TPD52: variants seen among roughly 807,000 people sequenced by gnomAD.
TPD52 encodes tumor protein D52.
TPD52 carries 17 observed loss-of-function variants against 31.3 expected under a neutral mutation model. That is an observed-to-expected ratio of 0.54 (90% CI 0.37 to 0.82). The LOEUF is 0.82. Ranked by LOEUF, TPD52 falls within the 40% of genes least tolerant of loss-of-function variation. The pLI is 0.00. For missense variants in TPD52, 212 were observed against 240.1 expected, an observed-to-expected ratio of 0.88 and a Z score of 0.77; for synonymous variants, 83 against 89.6, an observed-to-expected ratio of 0.93 and a Z score of 0.42.
intron 1 of TPD52, among the ~76,000 whole-genome samples, chr8:80,099,484 A>G (rs1019328166): frequency 6.6e-6 from 1 of 151,978 alleles, no homozygotes; most frequent in Non-Finnish European, 1.5e-5. Flanking sequence ...AGGGAGGTTC[A>G]CAAAACTGGA....
chr8:80,046,026 C>T lies in TPD52; in HGVS notation c.414-1818G>A, dbSNP rs190797214. On this transcript the variant is annotated intron_variant, in intron 5 of 7. Coordinates refer to ENST00000518937, the MANE Select transcript of TPD52 (RefSeq NM_001025253.3). ...AGTAAGTGCAAATTTCAGAATTTCA[C>T]AGCTAATTCTAGTCACTGTCCCTAA... 7.2e-5 allele frequency among the ~76,000 whole-genome samples: 11 copies of T among 152,232 alleles called. No individual in the cohort carries two copies. In the East Asian group the frequency reaches 2.1e-3, roughly 29 times the overall value.
At chr8:80,097,257 T>C (rs1806405206) in intron 1 of TPD52, among the ~76,000 whole-genome samples, 1 of 152,224 alleles carries the variant, frequency 6.6e-6, no homozygotes, top group African/African-American at 2.4e-5. Flanking sequence ...CAGAGGTTGG[T>C]TCATGAGGAT....
At chr8:80,146,786 T>G (rs1319592949) in intron 1 of TPD52, among the ~76,000 whole-genome samples, 1 of 152,316 alleles carries the variant, frequency 6.6e-6, no homozygotes, top group South Asian at 2.1e-4. Context: ...GTGATCAATA[T>G]GTACTAGCAC....
At chr8:80,094,482 A>ATATATATATG (rs1816575463) in intron 1 of TPD52, among the ~76,000 whole-genome samples, 6 of 105,008 alleles carry the variant, frequency 5.7e-5, no homozygotes, top group Non-Finnish European at 8.2e-5. Flanking sequence ...ATATATATAT[A>ATATATATATG]TATGTATGTA....
intron 1 of TPD52, among the ~76,000 whole-genome samples, chr8:80,117,630 G>A (rs573160781): frequency 6.6e-6 from 1 of 152,002 alleles, no homozygotes; most frequent in Non-Finnish European, 1.5e-5. Flanking sequence ...AAATTGACAA[G>A]CTGATCCTAA....
intron 1 of TPD52, among the ~76,000 whole-genome samples, chr8:80,166,801 G>A (rs1811747037): frequency 6.6e-6 from 1 of 152,004 alleles, no homozygotes; most frequent in Non-Finnish European, 1.5e-5. Context: ...AGCTACTTGG[G>A]AGGCTGAGAC....
intron 2 of TPD52, among the ~76,000 whole-genome samples, chr8:80,061,176 C>T (rs1001615450): frequency 6.0e-5 from 9 of 150,450 alleles, no homozygotes; most frequent in Non-Finnish European, 1.3e-4. Flanking sequence ...AACCAGCTGA[C>T]CAATATGGAG....
At chr8:80,054,744 GAAA>G (rs34889193) in intron 2 of TPD52, among the ~76,000 whole-genome samples, 3 of 144,688 alleles carry the variant, frequency 2.1e-5, no homozygotes, top group Admixed American at 1.4e-4. Context: ...CAGCTGCCAA[GAAA>G]AAAAAAAAAA....
intron 1 of TPD52, among the ~76,000 whole-genome samples, chr8:80,091,270 C>T (rs997480262): frequency 6.6e-6 from 1 of 152,018 alleles, no homozygotes; most frequent in African/African-American, 2.4e-5. Flanking sequence ...AGATCAAGAC[C>T]ATCTTGGCTA....
intron 1 of TPD52, chr8:80,080,425 T>G (rs148140891): frequency 3.1e-6 from 5 of 1,614,142 alleles, no homozygotes; most frequent in Non-Finnish European, 3.4e-6. Context: ...CTGGTAGTCC[T>G]CATATAAGTC....
intron 1 of TPD52, among the ~76,000 whole-genome samples, chr8:80,148,605 A>G (rs1305884861): frequency 6.6e-6 from 1 of 152,196 alleles, no homozygotes; most frequent in African/African-American, 2.4e-5. Context: ...CTGACAAAAG[A>G]TCAAGTAAAA....
chr8:80,154,276 G>C (rs2131214242), intron 1 of TPD52, among the ~76,000 whole-genome samples: 1 of 152,338 alleles, frequency 6.6e-6, no homozygotes, highest in African/African-American at 2.4e-5. Flanking sequence ...GGAGTATCAG[G>C]AGGGCTCCCA....
At chr8:80,125,988 G>A (rs1341983885) in intron 1 of TPD52, among the ~76,000 whole-genome samples, 1 of 152,190 alleles carries the variant, frequency 6.6e-6, no homozygotes, top group East Asian at 1.9e-4. Flanking sequence ...ACAGCAAGGG[G>A]TGTATGTTCA....
intron 1 of TPD52, among the ~76,000 whole-genome samples, chr8:80,144,095 A>G (rs571667500): frequency 7.2e-5 from 11 of 152,220 alleles, no homozygotes; most frequent in Admixed American, 5.2e-4. Flanking sequence ...AAAATGTTGA[A>G]GGTATAATCA....
At chr8:80,062,610 C>A (rs545868629) in intron 2 of TPD52, among the ~76,000 whole-genome samples, 3 of 152,080 alleles carry the variant, frequency 2.0e-5, no homozygotes, top group Non-Finnish European at 4.4e-5. Context: ...GGGGAAATTG[C>A]TGATGGGAAT....
chr8:80,054,574 C>G (rs891912614), intron 2 of TPD52, among the ~76,000 whole-genome samples: 2 of 152,020 alleles, frequency 1.3e-5, no homozygotes, highest in Non-Finnish European at 2.9e-5. Context: ...ATTTTCAGCC[C>G]CAACCTGCAC....
chr8:80,033,875 G>A (rs1809756821), downstream of TPD52, among the ~76,000 whole-genome samples: 1 of 152,134 alleles, frequency 6.6e-6, no homozygotes, highest in Admixed American at 6.5e-5. Flanking sequence ...TAGCCGAAAT[G>A]CATTAATAGA....
At chr8:80,060,327 C>A in intron 2 of TPD52, among the ~76,000 whole-genome samples, 1 of 146,350 alleles carries the variant, frequency 6.8e-6, no homozygotes, top group Admixed American at 6.9e-5. Context: ...CTAAACTGAC[C>A]CAACAAAATA....
intron 1 of TPD52, among the ~76,000 whole-genome samples, chr8:80,122,587 G>C (rs1397381691): frequency 6.6e-6 from 1 of 152,184 alleles, no homozygotes; most frequent in East Asian, 1.9e-4. Context: ...AGATTAGGCA[G>C]CCTTGGGAAG....
Sources: gnomAD v4.1 joint callset for allele counts (sites outside exome capture counted in the v4.1 genomes callset) on GRCh38, gnomAD v4.1.1 for gene constraint, MANE v1.5 for transcripts, NCBI Gene and HGNC (gene_info 2026-07-23, HGNC 2026-07-21) for gene names.